DCP1A: variants seen among roughly 807,000 people sequenced by gnomAD.
DCP1A encodes mRNA-decapping enzyme 1A.
Under a neutral mutation model 58.0 loss-of-function variants are expected in DCP1A, and 20 were observed. The observed-to-expected ratio is 0.34, with a 90% CI of 0.24 to 0.50. The LOEUF (loss-of-function observed/expected upper bound fraction) is 0.50. Ranked by LOEUF, DCP1A falls within the 20% of genes least tolerant of loss-of-function variation. The probability of loss-of-function intolerance (pLI) is 0.98; values close to 1 mark genes in which losing one functional copy is unlikely to be tolerated. For missense variants in DCP1A, 613 were observed against 712.2 expected (o/e 0.86, Z 1.59); for synonymous variants, 285 against 275.1 (o/e 1.04, Z -0.36).
intron 6 of DCP1A, among the ~76,000 whole-genome samples, chr3:53,301,401 A>G (rs1440913402): frequency 6.6e-6 from 1 of 151,894 alleles, no homozygotes; most frequent in Non-Finnish European, 1.5e-5. Flanking sequence ...CCTCCCGAAT[A>G]GCTGGGATTC....
intron 3 of DCP1A, among the ~76,000 whole-genome samples, chr3:53,331,586 A>G (rs1553691282): frequency 6.7e-6 from 1 of 149,682 alleles, no homozygotes; most frequent in East Asian, 2.0e-4. Flanking sequence ...AGTACACTCT[A>G]TGATGTGCAT....
Position 53,287,473 on chromosome 3 carries a change from G to A in DCP1A, c.*107C>T, listed in dbSNP as rs1559676603. ...TAAGAAATGAGTCTCTTTCTCATAG[G>A]CTCAATTTCAGGATTCTCAAACTCA... On this transcript the variant is annotated 3_prime_UTR_variant, in exon 10 of 10. Coordinates refer to ENST00000610213, the MANE Select transcript of DCP1A (RefSeq NM_018403.7). 1 of 676,398 alleles carries A rather than the reference G, an allele frequency of 1.5e-6. No homozygotes were observed. Among genetic ancestry groups the A allele is most frequent in the Non-Finnish European group, 2.6e-6 (1 of 389,930 alleles). The allele number at this position is 676,398 out of a possible 1,614,324, so 41.9% of individuals were successfully genotyped here.
chr3:53,307,352 T>C (rs1553688185), intron 5 of DCP1A, among the ~76,000 whole-genome samples: 1 of 152,152 alleles, frequency 6.6e-6, no homozygotes, highest in Non-Finnish European at 1.5e-5. Flanking sequence ...TTTGTAATTT[T>C]TAGAGACAGG....
chr3:53,306,695 CAA>C (rs1707484636), intron 5 of DCP1A, among the ~76,000 whole-genome samples: 1 of 143,926 alleles, frequency 6.9e-6, no homozygotes, highest in Non-Finnish European at 1.5e-5. Flanking sequence ...GGTGTGAACC[CAA>C]GAGGCAGAGC....
chr3:53,309,494 T>C (rs541177121), intron 5 of DCP1A, among the ~76,000 whole-genome samples: 1 of 152,318 alleles, frequency 6.6e-6, no homozygotes, highest in South Asian at 2.1e-4. Context: ...CCACAGTGTC[T>C]CACACCTATA....
intron 1 of DCP1A, 82 bp downstream of exon 1, chr3:53,347,301 C>T (rs1459081669): frequency 7.1e-7 from 1 of 1,400,550 alleles, no homozygotes; most frequent in Non-Finnish European, 9.3e-7. Context: ...TAGTGTGCCC[C>T]CCCACCCCAC....
intron 8 of DCP1A, chr3:53,290,519 T>C: frequency 1.7e-6 from 1 of 585,320 alleles, no homozygotes; most frequent in South Asian, 2.1e-5. Context: ...GGACCTGGCC[T>C]AGGAAAGGCA....
At chr3:53,330,899 C>T (rs1480800188) in intron 3 of DCP1A, among the ~76,000 whole-genome samples, 1 of 142,634 alleles carries the variant, frequency 7.0e-6, no homozygotes, top group African/African-American at 2.6e-5. Flanking sequence ...CGCTCTGTTG[C>T]CCAGGCTGGA....
At chr3:53,287,779 A>G (rs1451121797) in intron 9 of DCP1A, 119 bp from the exon 10 acceptor site, 1 of 728,718 alleles carries the variant, frequency 1.4e-6, no homozygotes, top group Admixed American at 2.3e-5. Context: ...TGATAATCCC[A>G]CCACCCAGAG....
At chr3:53,287,699 AT>A in intron 9 of DCP1A, 39 bp from the exon 10 acceptor site, 1 of 1,420,480 alleles carries the variant, frequency 7.0e-7, no homozygotes, top group Non-Finnish European at 9.9e-7. Context: ...CGAATGCCAC[AT>A]TTACCTCATC....
At chr3:53,309,530 C>T (rs963476863) in intron 5 of DCP1A, among the ~76,000 whole-genome samples, 1 of 152,094 alleles carries the variant, frequency 6.6e-6, no homozygotes, top group African/African-American at 2.4e-5. Flanking sequence ...GAGGCCAAGG[C>T]GGGAGGACAG....
At chr3:53,305,584 A>G (rs1707446619) in intron 5 of DCP1A, among the ~76,000 whole-genome samples, 1 of 152,032 alleles carries the variant, frequency 6.6e-6, no homozygotes, top group Non-Finnish European at 1.5e-5. Context: ...TCCTGACTTC[A>G]GGTGATTCAC....
chr3:53,288,416 A>C (rs1553685497), intron 8 of DCP1A, 133 bp from the exon 9 acceptor site: 1 of 657,554 alleles, frequency 1.5e-6, no homozygotes, highest in African/African-American at 1.8e-5. Context: ...GAGTTCAGGT[A>C]AACATTCAGT....
intron 8 of DCP1A, 60 bp downstream of exon 8, chr3:53,290,731 A>G (rs1553685827): frequency 8.2e-7 from 1 of 1,220,486 alleles, no homozygotes; most frequent in East Asian, 3.5e-5. Flanking sequence ...CTTTCTCACT[A>G]TGGCACCCGA....
chr3:53,290,531 C>T (rs71301821), intron 8 of DCP1A: 8 of 597,450 alleles, frequency 1.3e-5, no homozygotes, highest in Middle Eastern at 4.4e-4. Flanking sequence ...GGAAAGGCAT[C>T]TAAGATGTGC....
intron 6 of DCP1A, among the ~76,000 whole-genome samples, chr3:53,296,174 C>T (rs1031534041): frequency 6.6e-6 from 1 of 152,170 alleles, no homozygotes; most frequent in Middle Eastern, 3.2e-3. Context: ...GGATTACAGG[C>T]ATGAGCCACC....
chr3:53,298,370 T>C (rs1442976432), intron 6 of DCP1A, among the ~76,000 whole-genome samples: 1 of 152,248 alleles, frequency 6.6e-6, no homozygotes, highest in Non-Finnish European at 1.5e-5. Context: ...TAACTTTCTC[T>C]AGAATGGGGA....
At chr3:53,303,224 T>A (rs1707365624) in intron 6 of DCP1A, among the ~76,000 whole-genome samples, 1 of 152,108 alleles carries the variant, frequency 6.6e-6, no homozygotes, top group African/African-American at 2.4e-5. Context: ...GAGCTGAGAT[T>A]ACAGACGAGA....
rs1476270087 is a variant in DCP1A at position 53,315,692 on chromosome 3, C to T, written c.372-3313G>A. Among the ~76,000 whole-genome samples, 4 of 150,490 alleles carry T rather than the reference C, an allele frequency of 2.7e-5. No individual in the cohort carries two copies. In the East Asian group the frequency reaches 5.8e-4, roughly 22 times the overall value. On this transcript the variant is annotated intron_variant, in intron 4 of 9. Transcript: ENST00000610213. ...TAGGGTCTAGAAGCTCACTCATTTT[C>T]CTACATAGTTTCTCGTTTTTATAAA...
Sources: gnomAD v4.1 joint callset for allele counts (sites outside exome capture counted in the v4.1 genomes callset) on GRCh38, gnomAD v4.1.1 for gene constraint, MANE v1.5 for transcripts, NCBI Gene and HGNC (gene_info 2026-07-23, HGNC 2026-07-21) for gene names.